NUDC: variants seen among roughly 807,000 people sequenced by gnomAD.
NUDC encodes nuclear distribution C, dynein complex regulator.
In NUDC, 14 loss-of-function variants were observed where a neutral mutation model predicts 45.0. The observed-to-expected ratio is 0.31, with a 90% confidence interval of 0.21 to 0.49. The LOEUF (loss-of-function observed/expected upper bound fraction) is 0.49, where lower values mean the gene tolerates loss of function less well. NUDC is among the 20% of genes least tolerant of loss of function. NUDC has a pLI of 0.99. For missense variants in NUDC, 323 were observed against 426.2 expected (o/e 0.76, Z 2.13); for synonymous variants, 153 against 156.7 (o/e 0.98, Z 0.17).
chr1:26,926,301 C>G (rs558030508), intron 2 of NUDC, among the ~76,000 whole-genome samples: 1 of 152,162 alleles, frequency 6.6e-6, no homozygotes, highest in African/African-American at 2.4e-5. Flanking sequence ...TTAATGTGTC[C>G]TGAATGTCTG....
At chr1:26,930,811 G>T (rs2082177086) in intron 2 of NUDC, among the ~76,000 whole-genome samples, 1 of 151,760 alleles carries the variant, frequency 6.6e-6, no homozygotes, top group African/African-American at 2.4e-5. Context: ...GAGGTCAGGA[G>T]TTTGAGACCA....
chr1:26,945,483 G>T lies in NUDC; in HGVS notation c.825+10G>T, dbSNP rs772634074. The T allele has an allele frequency of 6.2e-7, 1 of 1,613,994 alleles. No homozygotes were observed. Among genetic ancestry groups the T allele is most frequent in the Non-Finnish European group, 8.5e-7 (1 of 1,179,858 alleles). The stretch of plus-strand genomic sequence containing the variant: ...CCCTGAGAATTCCAAGGTGAGCCCT[G>T]GCTGGTTGGGGGAGCTTCAGCAGGA... On this transcript the variant is annotated intron_variant, in intron 7 of 8. Transcript: ENST00000321265.
chr1:26,926,127 G>A (rs1181157961), intron 2 of NUDC, among the ~76,000 whole-genome samples: 2 of 150,194 alleles, frequency 1.3e-5, no homozygotes, highest in Non-Finnish European at 3.0e-5. Context: ...AGCAATTATT[G>A]TGCTCAGCCT....
chr1:26,913,184 G>A (rs888295792), intron 3 of NUDC, among the ~76,000 whole-genome samples: 1 of 152,120 alleles, frequency 6.6e-6, no homozygotes, highest in African/African-American at 2.4e-5. Context: ...TACTCGGGAG[G>A]CTGAGGCAGA....
chr1:26,902,574 C>T (rs921799002), intron 2 of NUDC, among the ~76,000 whole-genome samples: 3 of 152,094 alleles, frequency 2.0e-5, no homozygotes, highest in African/African-American at 7.2e-5. Flanking sequence ...TCTTCCCTTG[C>T]AATAATCCTT....
rs187943514 is a variant in NUDC, at chr1:26,905,655, A to C, written c.-16+3289A>C. On this transcript the variant is annotated intron_variant, in intron 2 of 6. Coordinates refer to the NUDC transcript ENST00000435827. ...AGCCCCGAGTTCCCAGTCTCTGGTAATCAGGGGTAATTTTTTGCCCTGGTA... is the reference window on the plus strand; with the variant it reads ...AGCCCCGAGTTCCCAGTCTCTGGTACTCAGGGGTAATTTTTTGCCCTGGTA... Among the ~76,000 whole-genome samples the C allele has an allele frequency of 1.1e-4, 17 of 152,298 alleles. No homozygotes were observed. In the East Asian group the frequency reaches 3.3e-3, roughly 29 times the overall value.
intron 2 of NUDC, among the ~76,000 whole-genome samples, chr1:26,928,463 A>G (rs954548554): frequency 2.0e-5 from 3 of 152,246 alleles, no homozygotes; most frequent in Non-Finnish European, 4.4e-5. Flanking sequence ...CAATTGAAGA[A>G]CACCAGATTA....
chr1:26,909,638 G>A lies in NUDC; in HGVS notation c.-15-1490G>A, dbSNP rs572082518. Reference sequence around the variant, plus strand: ...AAACTGGTAGGGCATAAAAGATATAGAATGACCCTAAATCCCTGAATCTTC... The same window carrying A: ...AAACTGGTAGGGCATAAAAGATATAAAATGACCCTAAATCCCTGAATCTTC... On this transcript the variant is annotated intron_variant, in intron 2 of 6. Coordinates refer to the NUDC transcript ENST00000435827. 2.0e-5 allele frequency among the ~76,000 whole-genome samples: 3 copies of A among 152,266 alleles called. No individual in the cohort carries two copies. The East Asian group carries it at 5.8e-4, about 29-fold the overall frequency.
At chr1:26,923,983 A>G (rs2082111150) in intron 1 of NUDC, 106 bp from the exon 2 acceptor site, 3 of 980,954 alleles carry the variant, frequency 3.1e-6, no homozygotes, top group Admixed American at 3.4e-5. Context: ...CAGAGGAAAA[A>G]TAGTCAAGTC....
chr1:26,914,456 T>C (rs1379223085), intron 3 of NUDC, among the ~76,000 whole-genome samples: 3 of 152,140 alleles, frequency 2.0e-5, no homozygotes, highest in African/African-American at 7.2e-5. Context: ...GGGGCCCTGC[T>C]TCTGTTGTCA....
chr1:26,933,177 G>T (rs922297565), intron 2 of NUDC, among the ~76,000 whole-genome samples: 7 of 151,968 alleles, frequency 4.6e-5, no homozygotes, highest in Middle Eastern at 3.4e-3. Context: ...TTCGTGATCT[G>T]CCTGGCTCGG....
rs117505255 is a variant in NUDC, at chr1:26,926,531, C to T, written c.159+2365C>T. ...TCAGACTACCTGTAAAACCTCATGC[C>T]GCAAACTTACAAAAAAATACAAAAG... On this transcript the variant is annotated intron_variant, in intron 2 of 8. Transcript: ENST00000321265. 2.0e-4 allele frequency among the ~76,000 whole-genome samples: 31 copies of T among 152,174 alleles called. No individual in the cohort carries two copies. The East Asian group carries it at 3.9e-3, about 19-fold the overall frequency.
intron 1 of NUDC, among the ~76,000 whole-genome samples, chr1:26,901,774 C>T (rs2081980271): frequency 6.6e-6 from 1 of 152,070 alleles, no homozygotes; most frequent in African/African-American, 2.4e-5. Flanking sequence ...CAGACAAAGT[C>T]TACACATTAT....
intron 4 of NUDC, among the ~76,000 whole-genome samples, 154 bp downstream of exon 4, chr1:26,941,972 G>C (rs530460277): frequency 6.6e-6 from 1 of 152,030 alleles, no homozygotes; most frequent in South Asian, 2.1e-4. Context: ...CACACTCAGA[G>C]ACATTGAACC....
chr1:26,945,782 C>T (rs1172974938), intron 8 of NUDC, 96 bp downstream of exon 8: 2 of 901,420 alleles, frequency 2.2e-6, no homozygotes, highest in African/African-American at 3.3e-5. Flanking sequence ...GCCTCAGGAG[C>T]TGCCCTGCCC....
intron 1 of NUDC, chr1:26,900,464 C>A: frequency 6.3e-7 from 1 of 1,590,908 alleles, no homozygotes; most frequent in Non-Finnish European, 8.6e-7. Context: ...ACATGATCAG[C>A]TAGAACCAAG....
intron 3 of NUDC, among the ~76,000 whole-genome samples, chr1:26,915,656 G>A (rs542386322): frequency 1.7e-4 from 26 of 152,192 alleles, no homozygotes; most frequent in African/African-American, 5.3e-4. Flanking sequence ...CTTGAACCTC[G>A]ATAAGCCTCC....
rs369215991 is a variant in NUDC, at chr1:26,921,827, G to C, written c.-22G>C. On this transcript the variant is annotated 5_prime_UTR_variant, in exon 1 of 9. Transcript: ENST00000321265. ...GCGGGACTAGAGTGCAGAGCTCCGG[G>C]ACGTGGATCGGAGCCGGCGCGATGG... 9.7e-6 allele frequency: 15 copies of C among 1,549,320 alleles called. No individual in the cohort carries two copies. The South Asian group carries it at 1.3e-4, about 14-fold the overall frequency.
At chr1:26,936,748 A>G (rs577565167) in intron 2 of NUDC, among the ~76,000 whole-genome samples, 2 of 152,226 alleles carry the variant, frequency 1.3e-5, no homozygotes, top group Admixed American at 1.3e-4. Context: ...GTTTCCCACA[A>G]TCTGGATTTT....
Sources: allele counts gnomAD v4.1 joint callset (sites outside exome capture counted in the v4.1 genomes callset), GRCh38; gene constraint gnomAD v4.1.1; transcripts MANE v1.5; gene names NCBI Gene and HGNC (gene_info 2026-07-23, HGNC 2026-07-21).